C9orf72: variants seen among roughly 807,000 people sequenced by gnomAD.
C9orf72 encodes the protein C9orf72-SMCR8 complex subunit.
A neutral mutation model predicts 51.6 loss-of-function variants in C9orf72; 44 were observed. That is an observed-to-expected ratio of 0.85 (90% confidence interval 0.67 to 1.10). C9orf72 has a LOEUF of 1.10. C9orf72 is among the 50% of genes least tolerant of loss of function. C9orf72 has a pLI of 0.00. For synonymous variants in C9orf72, 213 were observed against 194.2 expected (o/e 1.10, Z -0.81); for missense variants, 607 against 570.6 (o/e 1.06, Z -0.65).
At position 27,560,526 on chromosome 9, in the gene C9orf72, TATA is replaced by T. The variant is rs138185777; in HGVS notation, c.666-230_666-228del. On this transcript the variant is annotated intron_variant, in intron 5 of 10. Transcript: ENST00000380003. ...GCCTTAAAACAGCCCAATTAGTCAG[TATA>T]ATATCATTTAATTAATGTATTTATT... is the stretch of plus-strand genomic sequence containing the variant. 6.9e-3 allele frequency: 4,646 copies of T among 670,316 alleles called. 167 individuals are homozygous for T. In the African/African-American group the frequency reaches 0.08, roughly 12 times the overall value. 41.5% of individuals were successfully genotyped at this position (670,316 alleles called of 1,614,324 possible).
chr9:27,560,511 A>T, intron 5 of C9orf72: 1 of 682,018 alleles, frequency 1.5e-6, no homozygotes, highest in Non-Finnish European at 2.1e-6. Flanking sequence ...GCCTTAAAAC[A>T]GCCCAATTAG....
intron 7 of C9orf72, among the ~76,000 whole-genome samples, chr9:27,557,009 A>G (rs1819217990): frequency 6.6e-6 from 1 of 152,210 alleles, no homozygotes; most frequent in African/African-American, 2.4e-5. Context: ...CTAAGCATCC[A>G]AAGGAAGTGG....
At chr9:27,559,376 C>A (rs1819286348) in intron 6 of C9orf72, 1 of 151,650 alleles carries the variant, frequency 6.6e-6, no homozygotes, top group Non-Finnish European at 1.5e-5. Flanking sequence ...GATGGAAAGC[C>A]ACCTGTTTGA....
chr9:27,556,472 T>G, intron 8 of C9orf72, 89 bp downstream of exon 8: 1 of 832,466 alleles, frequency 1.2e-6, no homozygotes, highest in Non-Finnish European at 1.9e-6. Context: ...TTCTTTCTTT[T>G]TAAATGCAAC....
chr9:27,569,485 T>C (rs1563907040), intron 1 of C9orf72, among the ~76,000 whole-genome samples: 1 of 152,332 alleles, frequency 6.6e-6, no homozygotes, highest in East Asian at 1.9e-4. Context: ...TTTAGATAAA[T>C]ATTTACCACT....
Position 27,560,710 on chromosome 9 carries a change from T to TAG in C9orf72, c.666-413_666-412dup, listed in dbSNP as rs1216924821. On this transcript the variant is annotated intron_variant, in intron 5 of 10. Transcript: ENST00000380003. ...TTCTGATTCAAGCCATTAAGGCTCT[T>TAG]AGGTTAAACACACTCATGCCTCTGA... The TAG allele has an allele frequency of 6.1e-5, 60 of 986,950 alleles. 1 individual carries two copies. The highest frequency in any genetic ancestry group is 7.1e-5 in the Non-Finnish European group (59 of 830,946). 61.1% of individuals were successfully genotyped at this position (986,950 alleles called of 1,614,324 possible).
chr9:27,567,637 G>T (rs10967988), intron 1 of C9orf72, among the ~76,000 whole-genome samples: 59,815 of 151,970 alleles, frequency 0.39, 13,879 homozygotes, highest in East Asian at 0.67. Flanking sequence ...AAAAAGATAT[G>T]TTCAATTCCT....
At position 27,548,440 on chromosome 9, in the gene C9orf72, A is replaced by G. The variant is rs1820825138; in HGVS notation, c.1260-18T>C. The G allele has an allele frequency of 8.3e-6, 9 of 1,089,854 alleles. No homozygotes were observed. Among genetic ancestry groups the G allele is most frequent in the Admixed American group, 8.3e-5 (2 of 24,168 alleles). The allele number at this position is 1,089,854 out of a possible 1,614,324, so 67.5% of individuals were successfully genotyped here. On this transcript the variant is annotated intron_variant, in intron 10 of 10. Coordinates refer to ENST00000380003, the MANE Select transcript of C9orf72 (RefSeq NM_018325.5). ...CCTTCTGCCTAAAAATAATGGAAAAAAAAAAAAAAAAAAAAAAAAAAGAAG... is the reference window on the plus strand; with the variant it reads ...CCTTCTGCCTAAAAATAATGGAAAAGAAAAAAAAAAAAAAAAAAAAAGAAG...
In C9orf72 at chr9:27,550,639, T is replaced by A; in HGVS notation, c.1149+11A>T. 6.5e-7 allele frequency: 1 copy of A among 1,545,780 alleles called. No individual in the cohort carries two copies. The highest frequency in any genetic ancestry group is 8.9e-7 in the Non-Finnish European group (1 of 1,126,710). ...ATCATTCACTCTGACAATCTCAAGT[T>A]CAACATTTACCTGATCCAGGAAGGC... is the stretch of plus-strand genomic sequence containing the variant. On this transcript the variant is annotated intron_variant, in intron 9 of 10. Transcript: ENST00000380003.
chr9:27,565,451 G>C (rs1819445309), intron 3 of C9orf72, 80 bp downstream of exon 3: 1 of 875,288 alleles, frequency 1.1e-6, no homozygotes, highest in Admixed American at 2.1e-5. Context: ...TGTCTCCAAG[G>C]CCTTGACAAA....
intron 8 of C9orf72, among the ~76,000 whole-genome samples, chr9:27,551,486 T>C (rs1453104497): frequency 1.3e-5 from 2 of 152,114 alleles, no homozygotes; most frequent in Non-Finnish European, 2.9e-5. Flanking sequence ...GAACATTTAG[T>C]AAGAGGAGGA....
intron 8 of C9orf72, among the ~76,000 whole-genome samples, chr9:27,554,097 A>G (rs984977334): frequency 6.6e-6 from 1 of 152,210 alleles, no homozygotes; most frequent in Non-Finnish European, 1.5e-5. Context: ...TATTATGAAA[A>G]GCAGTTTGAA....
intron 9 of C9orf72, among the ~76,000 whole-genome samples, chr9:27,549,547 C>T (rs1439326349): frequency 6.6e-6 from 1 of 152,098 alleles, no homozygotes; most frequent in Non-Finnish European, 1.5e-5. Context: ...CTCATTATTT[C>T]AAAGCTTTAT....
At chr9:27,548,499 A>C (rs573486774) in intron 10 of C9orf72, 58 bp downstream of exon 10, 3 of 1,460,416 alleles carry the variant, frequency 2.1e-6, no homozygotes, top group Non-Finnish European at 2.8e-6. Context: ...TGTACAAAGG[A>C]AACAAAACAA....
In C9orf72 at chr9:27,550,824, A is replaced by G. The variant is rs1820891411; in HGVS notation, c.1092-117T>C. The G allele has an allele frequency of 5.8e-6, 3 of 520,262 alleles. No individual in the cohort carries two copies. In the South Asian group the frequency reaches 9.1e-5, roughly 16 times the overall value. The allele number at this position is 520,262 out of a possible 1,614,324, so 32.2% of individuals were successfully genotyped here. Reference sequence around the variant, plus strand: ...ACATTTTAAGTTCTTATAAATTGATATTACATATAAACACATTTGTAAGAA... The same window carrying G: ...ACATTTTAAGTTCTTATAAATTGATGTTACATATAAACACATTTGTAAGAA... On this transcript the variant is annotated intron_variant, in intron 8 of 10. Coordinates refer to ENST00000380003, the MANE Select transcript of C9orf72 (RefSeq NM_018325.5).
chr9:27,564,548 T>C (rs1819422854), intron 3 of C9orf72, among the ~76,000 whole-genome samples: 1 of 152,194 alleles, frequency 6.6e-6, no homozygotes, highest in Non-Finnish European at 1.5e-5. Context: ...AAATCTTTTC[T>C]TGTTAAGTCA....
Position 27,562,455 on chromosome 9 carries a change from G to A in C9orf72, c.526C>T (p.Leu176Phe), listed in dbSNP as rs765439616. The A allele has an allele frequency of 6.3e-7, 1 of 1,587,134 alleles. No homozygotes were observed. The highest frequency in any genetic ancestry group is 1.1e-5 in the South Asian group (1 of 88,044). ...ATTACAGGAATCACTTCTCCAGTAA[G>A]CATTGGAATAATACTCTGACCCTGC... ...EDQGQSIIPM[L>F]TGEVIPVMEL... Residue 176 changes from leucine (L) to phenylalanine (F), a missense_variant, in exon 4 of 11, where the codon CTT (leucine) becomes TTT (phenylalanine). Coordinates refer to ENST00000380003, the MANE Select transcript of C9orf72 (RefSeq NM_018325.5).
At chr9:27,551,515 T>C (rs1268634949) in intron 8 of C9orf72, among the ~76,000 whole-genome samples, 1 of 152,160 alleles carries the variant, frequency 6.6e-6, no homozygotes, top group Non-Finnish European at 1.5e-5. Context: ...CTGAAAGTGG[T>C]AGGGATCATC....
At chr9:27,570,836 TC>T (rs1054688455) in intron 1 of C9orf72, among the ~76,000 whole-genome samples, 2 of 151,804 alleles carry the variant, frequency 1.3e-5, no homozygotes, top group Non-Finnish European at 2.9e-5. Context: ...GCCACTGCAC[TC>T]CAGCCTGGGC....
Sources: gnomAD v4.1 joint callset for allele counts (sites outside exome capture counted in the v4.1 genomes callset) on GRCh38, gnomAD v4.1.1 for gene constraint, MANE v1.5 for transcripts, NCBI Gene and HGNC (gene_info 2026-07-23, HGNC 2026-07-21) for gene names.